PWWP3A: variants seen among roughly 807,000 people sequenced by gnomAD.
PWWP3A encodes the protein PWWP domain-containing DNA repair factor 3A.
Under a neutral mutation model 79.0 loss-of-function variants are expected in PWWP3A, and 53 were observed. The observed-to-expected ratio is 0.67, with a 90% CI of 0.54 to 0.84. The LOEUF is 0.84. Among genes scored for constraint, PWWP3A ranks in the 40% least tolerant of loss-of-function variants. The probability of loss-of-function intolerance (pLI) is 0.00; values close to 1 mark genes in which losing one functional copy is unlikely to be tolerated. For synonymous variants in PWWP3A, 443 were observed against 394.4 expected, an observed-to-expected ratio of 1.12 and a Z score of -1.46; for missense variants, 973 against 948.0, an observed-to-expected ratio of 1.03 and a Z score of -0.35.
In PWWP3A at chr19:1,369,686, T is replaced by G. The variant is rs1418443700; in HGVS notation, c.1549+40T>G. ...ACATCTTGGAAAATGTGGTTTGCCTTTTAGCCCTTTAGAAAAACAATCTTC... is the reference window on the plus strand; with the variant it reads ...ACATCTTGGAAAATGTGGTTTGCCTGTTAGCCCTTTAGAAAAACAATCTTC... On this transcript the variant is annotated intron_variant, in intron 11 of 13. Transcript: ENST00000591337. The surrounding 1 kb of genome is among the most constrained non-coding windows in gnomAD (Gnocchi z 4.0). 1.2e-6 allele frequency: 2 copies of G among 1,604,980 alleles called. No homozygotes were observed. Among genetic ancestry groups the G allele is most frequent in the Non-Finnish European group, 1.7e-6 (2 of 1,171,734 alleles).
chr19:1,373,260 C>T, intron 13 of PWWP3A, 100 bp downstream of exon 13: 1 of 1,058,104 alleles, frequency 9.5e-7, no homozygotes, highest in Non-Finnish European at 1.4e-6. Flanking sequence ...GCCGCAGCCC[C>T]TCTCCCTCAT....
At chr19:1,367,371 TAG>T (rs2082151448) in intron 9 of PWWP3A, 151 bp downstream of exon 9, 1 of 671,946 alleles carries the variant, frequency 1.5e-6, no homozygotes, top group African/African-American at 1.8e-5. Context: ...CTCTGGCCGT[TAG>T]AGTTAGATCG....
chr19:1,362,990 G>A (rs982912506), intron 6 of PWWP3A, among the ~76,000 whole-genome samples: 2 of 152,236 alleles, frequency 1.3e-5, no homozygotes, highest in Non-Finnish European at 2.9e-5. Flanking sequence ...TCTTAACCAA[G>A]TCTTGTTTTT....
intron 7 of PWWP3A, 78 bp from the exon 8 acceptor site, chr19:1,366,227 A>T: frequency 6.9e-7 from 1 of 1,439,438 alleles, no homozygotes; most frequent in South Asian, 1.2e-5. Flanking sequence ...TAGATGTATC[A>T]TGTGATGTCA....
intron 2 of PWWP3A, among the ~76,000 whole-genome samples, chr19:1,356,750 G>T (rs750372936): frequency 2.0e-5 from 3 of 152,050 alleles, no homozygotes; most frequent in African/African-American, 7.2e-5. Context: ...AATTATGGTC[G>T]TGTTCAGGGA....
chr19:1,358,571 G>A (rs750219230), intron 4 of PWWP3A, 107 bp downstream of exon 4: 1 of 1,601,298 alleles, frequency 6.2e-7, no homozygotes, highest in Non-Finnish European at 8.5e-7. Flanking sequence ...TGTTCACCAT[G>A]TTTTTCTTCA....
chr19:1,355,324 G>A (rs1361867344), intron 1 of PWWP3A, among the ~76,000 whole-genome samples, 189 bp downstream of exon 1: 1 of 151,876 alleles, frequency 6.6e-6, no homozygotes, highest in African/African-American at 2.4e-5. Flanking sequence ...CACTTTGCCT[G>A]GACTCCTTTT....
intron 12 of PWWP3A, among the ~76,000 whole-genome samples, chr19:1,371,838 C>A (rs954415885): frequency 7.3e-6 from 1 of 136,840 alleles, no homozygotes. Flanking sequence ...GTTGGAGTCT[C>A]GCTCTGTCAC....
intron 12 of PWWP3A, 182 bp from the exon 13 acceptor site, chr19:1,372,890 T>A (rs2082291868): frequency 1.7e-6 from 1 of 588,816 alleles, no homozygotes; most frequent in Non-Finnish European, 3.0e-6. Context: ...ACTGATTTAA[T>A]TAAGAAACAT....
intron 7 of PWWP3A, among the ~76,000 whole-genome samples, chr19:1,365,394 T>G (rs2082106686): frequency 6.6e-6 from 1 of 152,248 alleles, no homozygotes; most frequent in African/African-American, 2.4e-5. Context: ...TACCCCTTTT[T>G]CCCTTTATCC....
In PWWP3A at chr19:1,371,962, G is replaced by A. The variant is rs1040239925; in HGVS notation, c.1986+884G>A. ...TGGGACTACAGGCGCCCGCCACGAC[G>A]CCCGGCTAATTTTTTGTATTTTTAG... On this transcript the variant is annotated intron_variant, in intron 12 of 13. Coordinates refer to ENST00000591337, the MANE Select transcript of PWWP3A (RefSeq NM_001369789.1). 1.4e-4 allele frequency: 22 copies of A among 153,622 alleles called. No individual in the cohort carries two copies. The South Asian group carries it at 4.3e-3, about 30-fold the overall frequency. The allele number at this position is 153,622 out of a possible 1,614,324, so 9.5% of individuals were successfully genotyped here.
At chr19:1,371,178 C>A in intron 12 of PWWP3A, 100 bp downstream of exon 12, 1 of 1,408,392 alleles carries the variant, frequency 7.1e-7, no homozygotes, top group Non-Finnish European at 9.7e-7. Context: ...CCCCTGCTCC[C>A]TGGCCGTTCG....
rs1484469673 is a variant in PWWP3A, at chr19:1,377,253, TGCCATGG to T, written c.*682_*688del. The T allele has an allele frequency of 2.0e-5, 3 of 152,714 alleles. No individual in the cohort carries two copies. Among genetic ancestry groups the T allele is most frequent in the Non-Finnish European group, 4.4e-5 (3 of 68,528 alleles). The allele number at this position is 152,714 out of a possible 1,614,324, so 9.5% of individuals were successfully genotyped here. A position where few individuals can be genotyped will look rare whatever the true frequency, so the allele number is the denominator to read the frequency against. ...GCAGCGCGCAGCCACATGCCCTGGC[TGCCATGG>T]GCCAGACCGCCTCCACCTCCCCCGC... On this transcript the variant is annotated 3_prime_UTR_variant, in exon 14 of 14. Transcript: ENST00000591337.
Position 1,360,190 on chromosome 19 carries a change from C to A in PWWP3A, c.269C>A (p.Ser90Ter), listed in dbSNP as rs2081978105. The change falls in exon 5 of 14, where the codon TCG (serine) becomes TAG (stop). Residue 90 changes from serine to a stop codon, truncating the protein, a stop_gained. Transcript: ENST00000591337. LOFTEE classifies it high-confidence loss of function. The surrounding 1 kb of genome is among the most constrained non-coding windows in gnomAD (Gnocchi z 4.4). The stretch of plus-strand genomic sequence containing the variant: ...CTGGAAGAACTGGCCTACAGACGGT[C>A]GCTTCGCGTGGCTCTGGACGTTCTG... The part of the protein sequence containing the change: ...APLEELAYRR[S>*]LRVALDVLSE... 1 of 1,604,064 alleles carries A rather than the reference C, an allele frequency of 6.2e-7. No individual in the cohort carries two copies. The highest frequency in any genetic ancestry group is 1.1e-5 in the South Asian group (1 of 89,450).
At chr19:1,367,830 C>T (rs1368168013) in intron 9 of PWWP3A, among the ~76,000 whole-genome samples, 3 of 152,338 alleles carry the variant, frequency 2.0e-5, no homozygotes, top group Admixed American at 1.3e-4. Context: ...TGGCGACTTC[C>T]AGCACCAACA....
At position 1,376,517 on chromosome 19, in the gene PWWP3A, AG is replaced by A; in HGVS notation, c.2077del. The A allele has an allele frequency of 1.2e-6, 2 of 1,613,092 alleles. No individual in the cohort carries two copies. Among genetic ancestry groups the A allele is most frequent in the Non-Finnish European group, 1.7e-6 (2 of 1,179,572 alleles). ...TAAAATGAAGACTCTTGTTTTCTGA[AG>A]GGAAAAAGAAATATTTGACAACCAG... is the stretch of plus-strand genomic sequence containing the variant. On this transcript the variant is annotated splice_acceptor_variant, in intron 13 of 13. Coordinates refer to ENST00000591337, the MANE Select transcript of PWWP3A (RefSeq NM_001369789.1). LOFTEE classifies it high-confidence loss of function.
In PWWP3A at chr19:1,376,311, G is replaced by GT. The variant is rs371207367; in HGVS notation, c.2076-193dup. 3.4e-3 allele frequency among the ~76,000 whole-genome samples: 240 copies of GT among 69,856 alleles called. 7 individuals are homozygous for GT. The Middle Eastern group carries it at 0.042, about 12-fold the overall frequency. 45.8% of individuals were successfully genotyped at this position (69,856 alleles called of 152,430 possible). On this transcript the variant is annotated intron_variant, in intron 13 of 13. Transcript: ENST00000591337. ...CGGCTGTTTGTTTTTTTTTTTGTTT[G>GT]TTTTTTTTTTTTTTTGGTATTTTTT...
chr19:1,360,966 C>G lies in PWWP3A; in HGVS notation c.1045C>G (p.Pro349Ala). The G allele has an allele frequency of 6.8e-7, 1 of 1,465,764 alleles. No homozygotes were observed. The highest frequency in any genetic ancestry group is 1.4e-5 in the African/African-American group (1 of 69,458). The allele number at this position is 1,465,764 out of a possible 1,614,324, so 90.8% of individuals were successfully genotyped here. ...CAGCACCGCCAGGCTGGGCCCGCCT[C>G]CCTCCCACGCCTCTGCGGATGCAAC... Reference protein sequence around the residue: ...PRSTARLGPPPSHASADATRC... With the variant: ...PRSTARLGPPASHASADATRC... Residue 349 changes from proline to alanine, a missense_variant, in exon 5 of 14, where the codon CCC becomes GCC. By Grantham distance (27) the Pro-to-Ala change is conservative (BLOSUM62 -1). Coordinates refer to ENST00000591337, the MANE Select transcript of PWWP3A (RefSeq NM_001369789.1). The surrounding 1 kb of genome is among the most constrained non-coding windows in gnomAD (Gnocchi z 4.4).
rs2082233401 is a variant in PWWP3A, at chr19:1,370,650, G to A, written c.1558G>A (p.Val520Ile). 6.9e-7 allele frequency: 1 copy of A among 1,449,666 alleles called. No individual in the cohort carries two copies. Among genetic ancestry groups the A allele is most frequent in the Non-Finnish European group, 9.1e-7 (1 of 1,098,788 alleles). 89.8% of individuals were successfully genotyped at this position (1,449,666 alleles called of 1,614,324 possible). A position where few individuals can be genotyped will look rare whatever the true frequency, so the allele number is the denominator to read the frequency against. Residue 520 changes from valine (V) to isoleucine (I), a missense_variant, in exon 12 of 14, where the codon GTC (valine) becomes ATC (isoleucine). Transcript: ENST00000591337. ...EYYAADISYP[V>I]RKSIQQDVLG... ...AGGTGCTTCTTTTGCAGGCTATCCT[G>A]TCCGAAAATCCATCCAGCAGGACGT...
Sources: gnomAD v4.1 joint callset for allele counts (sites outside exome capture counted in the v4.1 genomes callset) on GRCh38, gnomAD v4.1.1 for gene constraint, Gnocchi (gnomAD v3.1) non-coding constraint, MANE v1.5 for transcripts, NCBI Gene and HGNC (gene_info 2026-07-23, HGNC 2026-07-21) for gene names.